Variants in CXXC4 observed in about 807,000 individuals in gnomAD.
CXXC4 encodes CXXC-type zinc finger protein 4.
CXXC4 carries 5 observed loss-of-function variants against 20.5 expected under a neutral mutation model. That is an observed-to-expected ratio of 0.24 (90% confidence interval 0.13 to 0.51). The LOEUF (loss-of-function observed/expected upper bound fraction) is 0.51, where lower values mean the gene tolerates loss of function less well. Among genes scored for constraint, CXXC4 ranks in the 20% least tolerant of loss-of-function variants. CXXC4 has a pLI of 0.97. For synonymous variants in CXXC4, 250 were observed against 216.4 expected (o/e 1.16, Z -1.36); for missense variants, 419 against 496.4 (o/e 0.84, Z 1.48).
chr4:104,489,343 TA>T lies in CXXC4; in HGVS notation c.1059+1400del, dbSNP rs571697639. On this transcript the variant is annotated intron_variant, in intron 2 of 2. Coordinates refer to ENST00000394767, the MANE Select transcript of CXXC4 (RefSeq NM_025212.4). ...TCATTTGATTTACACAATTAAAGGT[TA>T]AAAAAAAAACTGTATCTTCTTTGTG... 3.6e-4 allele frequency among the ~76,000 whole-genome samples: 55 copies of T among 151,624 alleles called. 1 individual carries two copies. In the South Asian group the frequency reaches 5.4e-3, roughly 15 times the overall value.
chr4:104,487,271 C>T (rs1165455294), intron 2 of CXXC4, among the ~76,000 whole-genome samples: 2 of 152,076 alleles, frequency 1.3e-5, no homozygotes, highest in Admixed American at 1.3e-4. Flanking sequence ...AGGGAAACCT[C>T]CTGAGGCACT....
intron 2 of CXXC4, chr4:104,475,293 T>C (rs183576072): frequency 2.6e-5 from 4 of 152,170 alleles, no homozygotes; most frequent in East Asian, 1.9e-4. Flanking sequence ...AAATAAAATA[T>C]GTGAGAAAAA....
chr4:104,480,607 A>C (rs1736528313), intron 2 of CXXC4, among the ~76,000 whole-genome samples: 1 of 137,066 alleles, frequency 7.3e-6, no homozygotes, highest in African/African-American at 3.7e-5. Context: ...TAGTTTTTCC[A>C]CCATGGTAAA....
At chr4:104,474,500 A>T in intron 2 of CXXC4, among the ~76,000 whole-genome samples, 1 of 152,040 alleles carries the variant, frequency 6.6e-6, no homozygotes, top group East Asian at 1.9e-4. Context: ...TTTATACCAG[A>T]TGCTAACTTA....
In CXXC4 at chr4:104,469,354, T is replaced by C. The variant is rs1188921571; in HGVS notation, c.*2968A>G. On this transcript the variant is annotated 3_prime_UTR_variant, in exon 3 of 3. Coordinates refer to ENST00000394767, the MANE Select transcript of CXXC4 (RefSeq NM_025212.4). ...ATGCTGGCAGATTATGGCATCTCTC[T>C]ATCCACGCCTAGGGAGGACAAGATC... 6.6e-6 allele frequency: 1 copy of C among 152,092 alleles called. No individual in the cohort carries two copies. The highest frequency in any genetic ancestry group is 2.4e-5 in the African/African-American group (1 of 41,436). 9.4% of individuals were successfully genotyped at this position (152,092 alleles called of 1,614,324 possible). A position where few individuals can be genotyped will look rare whatever the true frequency, so the allele number is the denominator to read the frequency against.
At position 104,471,974 on chromosome 4, in the gene CXXC4, A is replaced by G. The variant is rs1736287294; in HGVS notation, c.*348T>C. On this transcript the variant is annotated 3_prime_UTR_variant, in exon 3 of 3. Coordinates refer to ENST00000394767, the MANE Select transcript of CXXC4 (RefSeq NM_025212.4). ...ATATATTTGAAAATGAAGTATAGAT[A>G]TGTACTTTGCAAAGATACATGATTT... 1.1e-5 allele frequency: 2 copies of G among 186,978 alleles called. No homozygotes were observed. The highest frequency in any genetic ancestry group is 2.2e-5 in the Non-Finnish European group (2 of 91,212). 11.6% of individuals were successfully genotyped at this position (186,978 alleles called of 1,614,324 possible).
Position 104,491,307 on chromosome 4 carries a change from TGCCGCCGCCGCCGCCGCCGCCGCC to T in CXXC4, c.472_495del (p.Gly158_Gly165del). 1.3e-6 allele frequency: 2 copies of T among 1,572,888 alleles called. No homozygotes were observed. The highest frequency in any genetic ancestry group is 4.8e-5 in the East Asian group (2 of 41,808). On this transcript the variant is annotated inframe_deletion, in exon 2 of 3. Transcript: ENST00000394767. ...TTTCGGTGGTGCATGCTGGTCCTGC[TGCCGCCGCCGCCGCCGCCGCCGCC>T]ACCGCCGGCGGGGAGGATCGCCGAG...
At chr4:104,489,111 T>C (rs1261603602) in intron 2 of CXXC4, among the ~76,000 whole-genome samples, 2 of 152,164 alleles carry the variant, frequency 1.3e-5, no homozygotes, top group African/African-American at 2.4e-5. Flanking sequence ...AGAAAATACA[T>C]GGACCTGCAT....
At chr4:104,482,278 A>G (rs1399605135) in intron 2 of CXXC4, among the ~76,000 whole-genome samples, 1 of 152,152 alleles carries the variant, frequency 6.6e-6, no homozygotes, top group Non-Finnish European at 1.5e-5. Flanking sequence ...AATTCATGTG[A>G]AAAGAATCAC....
Position 104,471,598 on chromosome 4 carries a change from T to G in CXXC4, c.*724A>C, listed in dbSNP as rs925402411. The G allele has an allele frequency of 3.3e-5, 5 of 152,044 alleles. No homozygotes were observed. Among genetic ancestry groups the G allele is most frequent in the African/African-American group, 1.2e-4 (5 of 41,420 alleles). The allele number at this position is 152,044 out of a possible 1,614,324, so 9.4% of individuals were successfully genotyped here. Reference sequence around the variant, plus strand: ...AGCAATGCAAGTGCATAACCACTACTCTAATATAGTGCTCAAAAGATTAAT... The same window carrying G: ...AGCAATGCAAGTGCATAACCACTACGCTAATATAGTGCTCAAAAGATTAAT... On this transcript the variant is annotated 3_prime_UTR_variant, in exon 3 of 3. Coordinates refer to ENST00000394767, the MANE Select transcript of CXXC4 (RefSeq NM_025212.4).
In CXXC4 at chr4:104,490,840, G is replaced by T. The variant is rs746334700; in HGVS notation, c.963C>A (p.Gly321=). The part of the protein sequence containing the change: ...CVPCKRLINC[G]VCSSCRNRKT... ...TGCGGTTCCTGCAACTGCTGCAGAC[G>T]CCACAGTTGATGAGCCTCTTGCAGG... The change falls in exon 2 of 3, where the codon GGC becomes GGA. Residue 321 remains glycine (G), a synonymous_variant. Transcript: ENST00000394767. 6.2e-7 allele frequency: 1 copy of T among 1,614,182 alleles called. No homozygotes were observed. Among genetic ancestry groups the T allele is most frequent in the South Asian group, 1.1e-5 (1 of 91,088 alleles).
At chr4:104,475,838 G>C (rs1285342566) in intron 2 of CXXC4, among the ~76,000 whole-genome samples, 1 of 152,090 alleles carries the variant, frequency 6.6e-6, no homozygotes, top group Non-Finnish European at 1.5e-5. Context: ...CTGAAGAGAA[G>C]GGGGTGGGGA....
At chr4:104,478,617 A>G (rs1038952955) in intron 2 of CXXC4, among the ~76,000 whole-genome samples, 11 of 152,158 alleles carry the variant, frequency 7.2e-5, no homozygotes, top group Admixed American at 4.6e-4. Flanking sequence ...ATTCTAACAA[A>G]TAAGTAAATT....
At chr4:104,482,637 C>T (rs990084614) in intron 2 of CXXC4, among the ~76,000 whole-genome samples, 4 of 152,114 alleles carry the variant, frequency 2.6e-5, no homozygotes, top group Non-Finnish European at 4.4e-5. Flanking sequence ...TTCACCAACA[C>T]TAGTTCTCGC....
chr4:104,491,698 G>A lies in CXXC4; in HGVS notation c.105C>T (p.Tyr35=), dbSNP rs779698312. 6.5e-7 allele frequency: 1 copy of A among 1,546,952 alleles called. No individual in the cohort carries two copies. The highest frequency in any genetic ancestry group is 1.2e-5 in the South Asian group (1 of 83,632). The part of the protein sequence containing the change: ...PEGALNSLVD[Y]NSEMERYRSF... ...AGCGGTAGCGCTCCATTTCCGAGTT[G>A]TAATCCACAAGGCTGTTCAGAGCCC... The change falls in exon 2 of 3, where the codon TAC becomes TAT. Residue 35 remains tyrosine, a synonymous_variant. Transcript: ENST00000394767.
chr4:104,480,855 TC>T (rs1736540548), intron 2 of CXXC4, among the ~76,000 whole-genome samples: 1 of 105,044 alleles, frequency 9.5e-6, no homozygotes, highest in Non-Finnish European at 1.9e-5. Context: ...CTTCCCTCCC[TC>T]CCTCCCTCCC....
intron 2 of CXXC4, among the ~76,000 whole-genome samples, chr4:104,472,922 ATGAG>A (rs1025077800): frequency 2.0e-5 from 3 of 151,968 alleles, no homozygotes; most frequent in African/African-American, 7.2e-5. Context: ...GGTCTTAAAC[ATGAG>A]TGAGACATAT....
chr4:104,470,065 G>T lies in CXXC4; in HGVS notation c.*2257C>A, dbSNP rs548803922. 13 of 151,242 alleles carry T rather than the reference G, an allele frequency of 8.6e-5. No homozygotes were observed. Among genetic ancestry groups the T allele is most frequent in the African/African-American group, 3.2e-4 (13 of 41,242 alleles). The allele number at this position is 151,242 out of a possible 1,614,324, so 9.4% of individuals were successfully genotyped here. A position where few individuals can be genotyped will look rare whatever the true frequency, so the allele number is the denominator to read the frequency against. On this transcript the variant is annotated 3_prime_UTR_variant, in exon 3 of 3. Coordinates refer to ENST00000394767, the MANE Select transcript of CXXC4 (RefSeq NM_025212.4). ...AATAACAATCATCATTTTCCAAAGA[G>T]CAAGGCAAGCTTATCATTCAAGTGT...
chr4:104,491,047 G>A lies in CXXC4; in HGVS notation c.756C>T (p.Ile252=). The change falls in exon 2 of 3, where the codon ATC becomes ATT. Residue 252 remains isoleucine (I), a synonymous_variant. Coordinates refer to ENST00000394767, the MANE Select transcript of CXXC4 (RefSeq NM_025212.4). Reference sequence around the variant, plus strand: ...CGGGGGAGTGAAGGGCTGTCATGACGATGACCCCTGGAGGTAATGAGATGC... The same window carrying A: ...CGGGGGAGTGAAGGGCTGTCATGACAATGACCCCTGGAGGTAATGAGATGC... The part of the protein sequence containing the change: ...LGGISLPPGV[I]VMTALHSPAA... 6.2e-7 allele frequency: 1 copy of A among 1,614,052 alleles called. No homozygotes were observed. Among genetic ancestry groups the A allele is most frequent in the South Asian group, 1.1e-5 (1 of 91,072 alleles).
Sources: gnomAD v4.1 joint callset for allele counts (sites outside exome capture counted in the v4.1 genomes callset) on GRCh38, gnomAD v4.1.1 for gene constraint, MANE v1.5 for transcripts, NCBI Gene and HGNC (gene_info 2026-07-23, HGNC 2026-07-21) for gene names.